Variants in FRMD4A observed in about 807,000 individuals in gnomAD.
FRMD4A encodes the protein FERM domain-containing protein 4A.
Under a neutral mutation model 129.1 loss-of-function variants are expected in FRMD4A, and 29 were observed. The ratio of observed to expected loss-of-function variants is 0.22; its 90% CI spans 0.17 to 0.31. The LOEUF is 0.31. Ranked by LOEUF, FRMD4A falls within the 10% of genes least tolerant of loss-of-function variation. The probability of loss-of-function intolerance (pLI) is 1.00; values close to 1 mark genes in which losing one functional copy is unlikely to be tolerated. For synonymous variants in FRMD4A, 634 were observed against 571.6 expected, an observed-to-expected ratio of 1.11 and a Z score of -1.56; for missense variants, 1,272 against 1,375.8, an observed-to-expected ratio of 0.92 and a Z score of 1.19.
chr10:13,814,888 A>C (rs1185665535), intron 3 of FRMD4A, among the ~76,000 whole-genome samples: 1 of 152,048 alleles, frequency 6.6e-6, no homozygotes, highest in Non-Finnish European at 1.5e-5. Flanking sequence ...CAGTTGGGGA[A>C]GGGAGATGAA....
intron 2 of FRMD4A, among the ~76,000 whole-genome samples, chr10:13,966,889 T>C (rs2095488522): frequency 6.6e-6 from 1 of 152,264 alleles, no homozygotes; most frequent in Non-Finnish European, 1.5e-5. Flanking sequence ...GAATATTGCT[T>C]AGCCATAAAA....
At chr10:13,672,742 AG>A (rs2083617789) in intron 16 of FRMD4A, among the ~76,000 whole-genome samples, 1 of 152,016 alleles carries the variant, frequency 6.6e-6, no homozygotes, top group Non-Finnish European at 1.5e-5. Context: ...CCCCCTCCCC[AG>A]GGGTCAAGCA....
intron 2 of FRMD4A, among the ~76,000 whole-genome samples, chr10:14,017,796 C>T (rs1832053394): frequency 6.6e-6 from 1 of 152,084 alleles, no homozygotes; most frequent in South Asian, 2.1e-4. Context: ...GTATATTTTC[C>T]CAAAGTGAGG....
intron 2 of FRMD4A, among the ~76,000 whole-genome samples, chr10:13,909,030 C>G (rs2094912176): frequency 6.6e-6 from 1 of 152,210 alleles, no homozygotes; most frequent in Admixed American, 6.5e-5. Flanking sequence ...CCAACACTTC[C>G]TATTCTTTTT....
At chr10:13,941,478 A>T (rs1401605472) in intron 2 of FRMD4A, among the ~76,000 whole-genome samples, 1 of 152,226 alleles carries the variant, frequency 6.6e-6, no homozygotes, top group Non-Finnish European at 1.5e-5. Flanking sequence ...CAAACATATA[A>T]CATTACTTTG....
chr10:13,844,840 G>A (rs932935713), intron 3 of FRMD4A, among the ~76,000 whole-genome samples: 3 of 152,176 alleles, frequency 2.0e-5, no homozygotes, highest in Non-Finnish European at 4.4e-5. Flanking sequence ...CCCACCGTGC[G>A]CTACAAAATC....
At chr10:13,753,423 G>C (rs146147095) in intron 8 of FRMD4A, among the ~76,000 whole-genome samples, 2 of 152,244 alleles carry the variant, frequency 1.3e-5, no homozygotes, top group Non-Finnish European at 2.9e-5. Context: ...GGCCCCAGGA[G>C]GTTTTTCCAG....
intron 3 of FRMD4A, among the ~76,000 whole-genome samples, chr10:13,857,639 G>T (rs1002600288): frequency 6.6e-6 from 1 of 152,182 alleles, no homozygotes; most frequent in Non-Finnish European, 1.5e-5. Context: ...GTGTCTGCAT[G>T]CGAGTTTCCC....
intron 2 of FRMD4A, among the ~76,000 whole-genome samples, chr10:13,860,822 A>G (rs2094284873): frequency 6.6e-6 from 1 of 152,016 alleles, no homozygotes; most frequent in Non-Finnish European, 1.5e-5. Flanking sequence ...TCTGTTGTCC[A>G]GGCTGGGGTG....
At chr10:13,679,192 G>C (rs1454881795) in intron 15 of FRMD4A, among the ~76,000 whole-genome samples, 2 of 151,436 alleles carry the variant, frequency 1.3e-5, no homozygotes, top group African/African-American at 2.4e-5. Context: ...GGGAGGCTGA[G>C]GCAGGTGGGT....
At chr10:13,884,186 A>ACTCACACCCTCTCACACACACACACT (rs1554956520) in intron 2 of FRMD4A, among the ~76,000 whole-genome samples, 1 of 109,598 alleles carries the variant, frequency 9.1e-6, no homozygotes, top group East Asian at 2.9e-4. Context: ...TCACACACAC[A>ACTCACACCCTCTCACACACACACACT]CACACACACT....
At chr10:14,220,111 G>C (rs6602717) in intron 2 of FRMD4A, among the ~76,000 whole-genome samples, 127,249 of 152,118 alleles carry the variant, frequency 0.84, 55,315 homozygotes, top group Non-Finnish European at 0.96. Context: ...TGTCATCCCA[G>C]AACTTACGTT....
chr10:13,851,268 T>C (rs1372904904), intron 3 of FRMD4A, among the ~76,000 whole-genome samples: 3 of 152,204 alleles, frequency 2.0e-5, no homozygotes, highest in Admixed American at 2.0e-4. Flanking sequence ...AATGTAGTCA[T>C]TATTGTGCCA....
intron 2 of FRMD4A, among the ~76,000 whole-genome samples, chr10:14,322,302 C>A (rs917018381): frequency 6.6e-6 from 1 of 152,038 alleles, no homozygotes; most frequent in Admixed American, 6.6e-5. Context: ...GACTCCAAGG[C>A]TAATCCCAGG....
chr10:13,955,112 C>CTCTTTTTTT (rs2095401700), intron 2 of FRMD4A, among the ~76,000 whole-genome samples: 1 of 102,974 alleles, frequency 9.7e-6, no homozygotes, highest in Non-Finnish European at 1.8e-5. Flanking sequence ...AATAATTCTG[C>CTCTTTTTTT]TTTTTTTTTT....
Position 13,657,293 on chromosome 10 carries a change from C to T in FRMD4A, c.2296G>A (p.Ala766Thr). Residue 766 changes from alanine (A) to threonine (T), a missense_variant, in exon 22 of 25, where the codon GCC (alanine) becomes ACC (threonine). Transcript: ENST00000357447. ...TCCTCGGCCAGCGTGGAGTAGTTGG[C>T]GTTCATCTGCGCCGGGTAGTAGTGC... Reference protein sequence around the residue: ...SEHYYPAQMNANYSTLAEDSP... With the variant: ...SEHYYPAQMNTNYSTLAEDSP... The T allele has an allele frequency of 4.4e-6, 7 of 1,609,136 alleles. No homozygotes were observed. Among genetic ancestry groups the T allele is most frequent in the Non-Finnish European group, 5.1e-6 (6 of 1,179,208 alleles).
At chr10:13,828,336 A>G (rs985091890) in intron 3 of FRMD4A, among the ~76,000 whole-genome samples, 1 of 152,040 alleles carries the variant, frequency 6.6e-6, no homozygotes, top group East Asian at 1.9e-4. Flanking sequence ...CATGTCACCA[A>G]TGTCTATTAT....
Position 13,690,404 on chromosome 10 carries a change from G to A in FRMD4A, c.1117+3494C>T, listed in dbSNP as rs890260727. ...CTGGTGCAAGGAAACACAGGCAGCC[G>A]TCAGCCATCCCAGCGGGAGGGAGAA... is the stretch of plus-strand genomic sequence containing the variant. On this transcript the variant is annotated intron_variant, in intron 15 of 24. Transcript: ENST00000357447. 1.5e-4 allele frequency among the ~76,000 whole-genome samples: 23 copies of A among 152,336 alleles called. No individual in the cohort carries two copies. In the East Asian group the frequency reaches 2.3e-3, roughly 15 times the overall value.
intron 15 of FRMD4A, among the ~76,000 whole-genome samples, chr10:13,686,404 G>C (rs1041787246): frequency 2.0e-5 from 3 of 152,242 alleles, no homozygotes; most frequent in African/African-American, 4.8e-5. Flanking sequence ...TGTTTGGAGA[G>C]ATGTCAGATA....
Sources: allele counts gnomAD v4.1 joint callset (sites outside exome capture counted in the v4.1 genomes callset), GRCh38; gene constraint gnomAD v4.1.1; transcripts MANE v1.5; gene names NCBI Gene and HGNC (gene_info 2026-07-23, HGNC 2026-07-21).